FUT8: variants seen among roughly 807,000 people sequenced by gnomAD.
The protein encoded by FUT8 is fucosyltransferase 8.
A neutral mutation model predicts 71.3 loss-of-function variants in FUT8; 29 were observed. The ratio of observed to expected loss-of-function variants is 0.41; its 90% CI spans 0.30 to 0.55. FUT8 has a LOEUF of 0.55. FUT8 is among the 20% of genes least tolerant of loss of function. The pLI is 0.34. For missense variants in FUT8, 544 were observed against 702.1 expected, an observed-to-expected ratio of 0.77 and a Z score of 2.55; for synonymous variants, 254 against 239.3, an observed-to-expected ratio of 1.06 and a Z score of -0.57.
intron 5 of FUT8, among the ~76,000 whole-genome samples, chr14:65,617,868 T>C (rs1028687722): frequency 2.0e-5 from 3 of 151,732 alleles, no homozygotes; most frequent in Non-Finnish European, 4.4e-5. Context: ...CACTTGAACC[T>C]GGGAGGCAGA....
chr14:65,458,251 C>T (rs974266064), intron 2 of FUT8: 1 of 151,778 alleles, frequency 6.6e-6, no homozygotes, highest in Admixed American at 6.6e-5. Context: ...GAGGGTCTCT[C>T]TTCCCTCAGT....
chr14:65,555,128 CAAAAAT>C (rs1464196596), intron 2 of FUT8, among the ~76,000 whole-genome samples: 1 of 151,996 alleles, frequency 6.6e-6, no homozygotes, highest in South Asian at 2.1e-4. Flanking sequence ...TATAAAGAAA[CAAAAAT>C]AAAAATTAAG....
intron 7 of FUT8, among the ~76,000 whole-genome samples, chr14:65,720,560 C>G (rs757575899): frequency 3.9e-5 from 6 of 152,218 alleles, no homozygotes; most frequent in Admixed American, 6.5e-5. Flanking sequence ...GAGCTGTGAA[C>G]TGCACTGCCT....
At chr14:65,737,280 T>G (rs1443281618) in intron 10 of FUT8, among the ~76,000 whole-genome samples, 1 of 152,116 alleles carries the variant, frequency 6.6e-6, no homozygotes, top group African/African-American at 2.4e-5. Context: ...GATCTGTTTC[T>G]CAAAGCCAAG....
intron 3 of FUT8, among the ~76,000 whole-genome samples, chr14:65,595,737 T>A (rs1887940658): frequency 6.6e-6 from 1 of 150,498 alleles, no homozygotes; most frequent in African/African-American, 2.4e-5. Context: ...GCCTCCAGAG[T>A]AGCTGGTATT....
intron 3 of FUT8, among the ~76,000 whole-genome samples, chr14:65,584,171 C>T (rs949849685): frequency 6.1e-5 from 8 of 131,294 alleles, no homozygotes; most frequent in Middle Eastern, 3.7e-3. Flanking sequence ...GGAGCCACCA[C>T]GCCCAGCCTT....
chr14:65,597,353 G>A (rs958560112), intron 3 of FUT8, among the ~76,000 whole-genome samples: 5 of 152,200 alleles, frequency 3.3e-5, no homozygotes, highest in Non-Finnish European at 5.9e-5. Context: ...ATCAGGCCGG[G>A]TGCGATGGCT....
intron 2 of FUT8, among the ~76,000 whole-genome samples, chr14:65,505,302 T>C (rs1450150639): frequency 2.0e-5 from 3 of 150,580 alleles, no homozygotes; most frequent in African/African-American, 7.3e-5. Context: ...AGTACTACAT[T>C]TCAGTTTTTT....
intron 9 of FUT8, among the ~76,000 whole-genome samples, chr14:65,731,505 C>T (rs1895979929): frequency 6.6e-6 from 1 of 152,136 alleles, no homozygotes; most frequent in South Asian, 2.1e-4. Context: ...GTTTCATGCT[C>T]ATTATGAAAG....
In FUT8 at chr14:65,412,803, C is replaced by G. The variant is rs2065154660; in HGVS notation, c.-737C>G. 1 of 167,576 alleles carries G rather than the reference C, an allele frequency of 6.0e-6. No homozygotes were observed. Among genetic ancestry groups the G allele is most frequent in the Admixed American group, 6.4e-5 (1 of 15,510 alleles). 10.4% of individuals were successfully genotyped at this position (167,576 alleles called of 1,614,324 possible). On this transcript the variant is annotated 5_prime_UTR_variant, in exon 1 of 11. Transcript: ENST00000673929. Reference sequence around the variant, plus strand: ...GTTGTCAGAGCCGCTCCGGCGCGTGCGCGCGTTATCTCCGGCCGACCCGAG... The same window carrying G: ...GTTGTCAGAGCCGCTCCGGCGCGTGGGCGCGTTATCTCCGGCCGACCCGAG...
At chr14:65,464,357 C>T (rs183009263) in intron 2 of FUT8, among the ~76,000 whole-genome samples, 46 of 115,832 alleles carry the variant, frequency 4.0e-4, no homozygotes, top group Non-Finnish European at 7.5e-4. Context: ...ATGTCCTTTT[C>T]TTGTTTTACT....
chr14:65,450,676 G>A (rs531961865), intron 1 of FUT8, among the ~76,000 whole-genome samples: 46 of 151,866 alleles, frequency 3.0e-4, no homozygotes, highest in Non-Finnish European at 4.7e-4. Context: ...TCTTACGTTG[G>A]GTTTTTATTA....
chr14:65,742,780 G>T lies in FUT8; in HGVS notation c.*370G>T, dbSNP rs1896568382. ...TAAAACATGGTGCCTATATCTGAGA[G>T]ACCTGTGTGAACTATTGAGAAGATC... On this transcript the variant is annotated 3_prime_UTR_variant, in exon 11 of 11. Coordinates refer to ENST00000673929, the MANE Select transcript of FUT8 (RefSeq NM_001371533.1). 1.0e-5 allele frequency: 2 copies of T among 192,872 alleles called. No homozygotes were observed. The highest frequency in any genetic ancestry group is 2.2e-5 in the Non-Finnish European group (2 of 91,448). 11.9% of individuals were successfully genotyped at this position (192,872 alleles called of 1,614,324 possible). A position where few individuals can be genotyped will look rare whatever the true frequency, so the allele number is the denominator to read the frequency against.
chr14:65,623,545 C>T lies in FUT8; in HGVS notation c.483-5947C>T, dbSNP rs1223201351. Among the ~76,000 whole-genome samples, 4 of 151,976 alleles carry T rather than the reference C, an allele frequency of 2.6e-5. No homozygotes were observed. The East Asian group carries it at 7.8e-4, about 29-fold the overall frequency. ...ACCAACCTGGCCAACATGGTGAAAT[C>T]CCATCTCTACAAATACAAAAAAAGC... is the stretch of plus-strand genomic sequence containing the variant. On this transcript the variant is annotated intron_variant, in intron 5 of 10. Transcript: ENST00000673929.
intron 1 of FUT8, among the ~76,000 whole-genome samples, chr14:65,453,658 A>G (rs551045392): frequency 3.9e-5 from 6 of 152,228 alleles, no homozygotes; most frequent in African/African-American, 1.4e-4. Context: ...GGCTGGATGG[A>G]ACTCAGATGT....
chr14:65,379,427 G>C, the FUT8 span, among the ~76,000 whole-genome samples: 6 of 152,090 alleles, frequency 3.9e-5, no homozygotes, highest in Non-Finnish European at 8.8e-5. Context: ...CTACTCAGGA[G>C]GCTGAGGCAG....
intron 3 of FUT8, among the ~76,000 whole-genome samples, chr14:65,568,053 G>T (rs989852799): frequency 1.3e-5 from 2 of 151,708 alleles, no homozygotes; most frequent in African/African-American, 4.8e-5. Context: ...GGCGAGGAAG[G>T]AGAACATATG....
chr14:65,692,362 C>A (rs561258302), intron 7 of FUT8, among the ~76,000 whole-genome samples: 4 of 122,744 alleles, frequency 3.3e-5, no homozygotes, highest in African/African-American at 9.0e-5. Context: ...GGGGGGCTGA[C>A]CCCCCCACCT....
intron 2 of FUT8, among the ~76,000 whole-genome samples, chr14:65,557,123 CT>C (rs1885624685): frequency 6.6e-6 from 1 of 152,132 alleles, no homozygotes; most frequent in Non-Finnish European, 1.5e-5. Flanking sequence ...ATTAAGTCTC[CT>C]TATCTTACTG....
Sources: gnomAD v4.1 joint callset for allele counts (sites outside exome capture counted in the v4.1 genomes callset) on GRCh38, gnomAD v4.1.1 for gene constraint, MANE v1.5 for transcripts, NCBI Gene and HGNC (gene_info 2026-07-23, HGNC 2026-07-21) for gene names.